The following SMYD3 variants were observed in gnomAD, a reference collection of about 807,000 sequenced individuals.
SMYD3 encodes SET and MYND domain containing 3.
A neutral mutation model predicts 57.7 loss-of-function variants in SMYD3; 36 were observed. The observed-to-expected ratio is 0.62, with a 90% CI of 0.48 to 0.82. SMYD3 has a LOEUF of 0.82. SMYD3 is among the 40% of genes least tolerant of loss of function. The pLI, the probability that SMYD3 is intolerant of heterozygous loss-of-function variation, is 0.00. For missense variants in SMYD3, 515 were observed against 538.8 expected (o/e 0.96, Z 0.44); for synonymous variants, 211 against 195.0 (o/e 1.08, Z -0.68).
chr1:246,408,881 G>C (rs372467953), intron 1 of SMYD3, among the ~76,000 whole-genome samples: 4 of 152,190 alleles, frequency 2.6e-5, no homozygotes, highest in African/African-American at 9.6e-5. Flanking sequence ...TGTTGGCCAG[G>C]TTGGTCTCAA....
intron 5 of SMYD3, among the ~76,000 whole-genome samples, chr1:246,049,091 T>C (rs915585914): frequency 3.3e-5 from 5 of 151,408 alleles, no homozygotes; most frequent in South Asian, 2.1e-4. Flanking sequence ...ACAAGGAAAA[T>C]GGGGTTGGAG....
At chr1:246,244,647 A>T (rs933826811) in intron 5 of SMYD3, among the ~76,000 whole-genome samples, 2 of 152,204 alleles carry the variant, frequency 1.3e-5, no homozygotes, top group East Asian at 3.8e-4. Flanking sequence ...CATGTACCAT[A>T]TGAGTAGATC....
chr1:246,008,422 G>A (rs2059215761), intron 5 of SMYD3, among the ~76,000 whole-genome samples: 1 of 152,234 alleles, frequency 6.6e-6, no homozygotes, highest in Admixed American at 6.5e-5. Context: ...CCGAGGACTG[G>A]CTTAGCCTGA....
chr1:246,469,698 A>G (rs2067932822), intron 1 of SMYD3, among the ~76,000 whole-genome samples: 1 of 152,232 alleles, frequency 6.6e-6, no homozygotes, highest in South Asian at 2.1e-4. Flanking sequence ...AGAAGAAAAT[A>G]AAGACATAAA....
intron 2 of SMYD3, among the ~76,000 whole-genome samples, chr1:246,339,667 T>C (rs1046343449): frequency 6.6e-5 from 10 of 152,226 alleles, no homozygotes; most frequent in African/African-American, 2.4e-4. Context: ...AGGGCTGCTA[T>C]GGTTTCAATG....
At chr1:246,105,762 A>G (rs2061106781) in intron 5 of SMYD3, among the ~76,000 whole-genome samples, 1 of 152,222 alleles carries the variant, frequency 6.6e-6, no homozygotes, top group African/African-American at 2.4e-5. Flanking sequence ...CCGAAATGCC[A>G]GGTGGAAAGT....
At chr1:245,937,540 G>T (rs2057035802) in intron 5 of SMYD3, among the ~76,000 whole-genome samples, 1 of 152,176 alleles carries the variant, frequency 6.6e-6, no homozygotes, top group African/African-American at 2.4e-5. Context: ...CGTAGAGAAG[G>T]TATAAAGCTC....
chr1:245,969,210 C>G (rs372908851), intron 5 of SMYD3, among the ~76,000 whole-genome samples: 1 of 152,192 alleles, frequency 6.6e-6, no homozygotes, highest in Non-Finnish European at 1.5e-5. Flanking sequence ...AAAATCAACA[C>G]GGGTTTGCTG....
At chr1:246,205,774 G>A (rs1343888412) in intron 5 of SMYD3, among the ~76,000 whole-genome samples, 10 of 152,096 alleles carry the variant, frequency 6.6e-5, no homozygotes, top group African/African-American at 1.5e-4. Flanking sequence ...AGCTGAGATC[G>A]TGCCACTGCA....
chr1:246,197,416 T>A (rs2062842967), intron 5 of SMYD3, among the ~76,000 whole-genome samples: 1 of 151,888 alleles, frequency 6.6e-6, no homozygotes, highest in East Asian at 1.9e-4. Context: ...CCAGGTAGGA[T>A]GTAATGAAAA....
intron 10 of SMYD3, among the ~76,000 whole-genome samples, chr1:245,771,700 A>G (rs2046347053): frequency 6.6e-6 from 1 of 152,226 alleles, no homozygotes; most frequent in Non-Finnish European, 1.5e-5. Context: ...AGAGGCATGA[A>G]GAGGCACATA....
intron 10 of SMYD3, among the ~76,000 whole-genome samples, chr1:245,768,730 C>T (rs1170003961): frequency 6.6e-6 from 1 of 152,136 alleles, no homozygotes; most frequent in Non-Finnish European, 1.5e-5. Context: ...AAGTGTTCAG[C>T]TTGTTTGCCT....
At chr1:246,244,960 CTTTAATTCTGCTATCAG>C (rs1265040274) in intron 5 of SMYD3, among the ~76,000 whole-genome samples, 4 of 152,152 alleles carry the variant, frequency 2.6e-5, no homozygotes, top group Non-Finnish European at 5.9e-5. Flanking sequence ...TTTCAATTTT[CTTTAATTCTGCTATCAG>C]GCCAGGCAAA....
At chr1:245,828,684 T>C (rs902951619) in intron 10 of SMYD3, among the ~76,000 whole-genome samples, 6 of 150,956 alleles carry the variant, frequency 4.0e-5, no homozygotes, top group Admixed American at 6.6e-5. Flanking sequence ...TGATACATAT[T>C]AGGACATGGA....
At chr1:245,941,347 C>A (rs545599674) in intron 5 of SMYD3, among the ~76,000 whole-genome samples, 1 of 152,168 alleles carries the variant, frequency 6.6e-6, no homozygotes, top group South Asian at 2.1e-4. Flanking sequence ...AGAAGATCAA[C>A]CCCAAGACTC....
At chr1:246,033,716 G>A (rs1361358993) in intron 5 of SMYD3, among the ~76,000 whole-genome samples, 3 of 152,124 alleles carry the variant, frequency 2.0e-5, no homozygotes, top group South Asian at 2.1e-4. Flanking sequence ...GAACCCAGGA[G>A]GTGGAAGTTG....
chr1:246,129,413 A>C (rs2061555100), intron 5 of SMYD3, among the ~76,000 whole-genome samples: 1 of 152,158 alleles, frequency 6.6e-6, no homozygotes, highest in African/African-American at 2.4e-5. Flanking sequence ...GTAAAAAAAA[A>C]AAAAGTAGAA....
intron 10 of SMYD3, among the ~76,000 whole-genome samples, chr1:245,834,758 G>A (rs1450422203): frequency 6.6e-6 from 1 of 152,168 alleles, no homozygotes; most frequent in Non-Finnish European, 1.5e-5. Flanking sequence ...AGATCCTAGT[G>A]TCATTTAGGC....
chr1:246,354,595 A>T (rs1444387139), intron 2 of SMYD3, among the ~76,000 whole-genome samples: 1 of 142,692 alleles, frequency 7.0e-6, no homozygotes, highest in Non-Finnish European at 1.5e-5. Context: ...CCCAAAGTAG[A>T]TCGTTAAATG....
Sources: allele counts gnomAD v4.1 joint callset (sites outside exome capture counted in the v4.1 genomes callset), GRCh38; gene constraint gnomAD v4.1.1; transcripts MANE v1.5; gene names NCBI Gene and HGNC (gene_info 2026-07-23, HGNC 2026-07-21).